GPM6A: variants seen among roughly 807,000 people sequenced by gnomAD.
GPM6A encodes the protein glycoprotein M6A, also known as neuronal membrane glycoprotein M6-a.
In GPM6A, 7 loss-of-function variants were observed where a neutral mutation model predicts 32.1. The observed-to-expected ratio is 0.22, with a 90% CI of 0.12 to 0.41. The LOEUF (loss-of-function observed/expected upper bound fraction) is 0.41, where lower values mean the gene tolerates loss of function less well. Among genes scored for constraint, GPM6A ranks in the 10% least tolerant of loss-of-function variants. The pLI is 1.00. For missense variants in GPM6A, 235 were observed against 347.2 expected, an observed-to-expected ratio of 0.68 and a Z score of 2.57; for synonymous variants, 130 against 123.4, an observed-to-expected ratio of 1.05 and a Z score of -0.35.
intron 1 of GPM6A, chr4:175,872,699 G>A (rs536161936): frequency 6.6e-5 from 10 of 152,188 alleles, no homozygotes; most frequent in South Asian, 2.1e-4. Flanking sequence ...GGAACCCAAG[G>A]ATTAATATGT....
intron 1 of GPM6A, among the ~76,000 whole-genome samples, chr4:175,776,419 G>A (rs1050606552): frequency 1.3e-5 from 2 of 152,142 alleles, no homozygotes; most frequent in African/African-American, 2.4e-5. Flanking sequence ...AGGAAGGAGG[G>A]ACAGAAGCTC....
intron 1 of GPM6A, among the ~76,000 whole-genome samples, chr4:175,726,246 T>G (rs1031362170): frequency 3.3e-5 from 5 of 151,758 alleles, no homozygotes; most frequent in African/African-American, 4.8e-5. Flanking sequence ...TGATCTGCCC[T>G]CCTCGGCCTC....
chr4:175,910,020 G>C (rs1738263760), intron 1 of GPM6A, among the ~76,000 whole-genome samples: 1 of 152,164 alleles, frequency 6.6e-6, no homozygotes, highest in Non-Finnish European at 1.5e-5. Flanking sequence ...TGGTGTGCTA[G>C]TAAGCTGACC....
intron 3 of GPM6A, among the ~76,000 whole-genome samples, chr4:175,658,759 T>A (rs984455745): frequency 6.6e-6 from 1 of 152,186 alleles, no homozygotes; most frequent in Admixed American, 6.5e-5. Flanking sequence ...AATCTATTTA[T>A]ATAACAAAAA....
intron 1 of GPM6A, among the ~76,000 whole-genome samples, chr4:175,907,740 A>G (rs547064030): frequency 4.2e-4 from 64 of 152,280 alleles, no homozygotes; most frequent in African/African-American, 1.3e-3. Flanking sequence ...GTTTATTACT[A>G]TTAGATCACA....
intron 2 of GPM6A, among the ~76,000 whole-genome samples, chr4:175,687,407 T>C (rs1415789853): frequency 6.6e-6 from 1 of 152,014 alleles, no homozygotes; most frequent in African/African-American, 2.4e-5. Flanking sequence ...ATAGTTCATA[T>C]AAATAAAATT....
chr4:175,980,453 C>G (rs1296404254), intron 1 of GPM6A, among the ~76,000 whole-genome samples: 1 of 152,116 alleles, frequency 6.6e-6, no homozygotes, highest in Non-Finnish European at 1.5e-5. Context: ...GATTTGAACC[C>G]TAGAAGTATG....
At chr4:175,951,656 G>A (rs1301386823) in intron 1 of GPM6A, among the ~76,000 whole-genome samples, 1 of 152,136 alleles carries the variant, frequency 6.6e-6, no homozygotes, top group Non-Finnish European at 1.5e-5. Flanking sequence ...TGAATGAATT[G>A]CAACAATTTT....
intron 1 of GPM6A, among the ~76,000 whole-genome samples, chr4:175,886,899 A>T (rs972388669): frequency 6.6e-6 from 1 of 152,044 alleles, no homozygotes; most frequent in Non-Finnish European, 1.5e-5. Flanking sequence ...AACCAAAAAA[A>T]TGAAAAAATA....
chr4:175,711,868 C>A (rs886518480), intron 1 of GPM6A, among the ~76,000 whole-genome samples: 1 of 152,186 alleles, frequency 6.6e-6, no homozygotes, highest in East Asian at 1.9e-4. Flanking sequence ...ACTCATCACC[C>A]TTATATGTGT....
chr4:175,931,259 A>G (rs545905758), intron 1 of GPM6A, among the ~76,000 whole-genome samples: 34 of 152,292 alleles, frequency 2.2e-4, no homozygotes, highest in African/African-American at 8.2e-4. Flanking sequence ...TTAAATAAAT[A>G]TTAGATAAAC....
At chr4:175,666,969 T>G (rs1365935120) in intron 3 of GPM6A, among the ~76,000 whole-genome samples, 1 of 152,210 alleles carries the variant, frequency 6.6e-6, no homozygotes, top group African/African-American at 2.4e-5. Context: ...AATTAGAAAT[T>G]CATACGTTAT....
chr4:175,635,352 C>T (rs1006054709), intron 6 of GPM6A, among the ~76,000 whole-genome samples: 1 of 152,062 alleles, frequency 6.6e-6, no homozygotes, highest in Non-Finnish European at 1.5e-5. Context: ...CCCAATGTGT[C>T]CTCATTTGCC....
chr4:175,653,291 A>G (rs759428286), intron 3 of GPM6A, among the ~76,000 whole-genome samples: 12 of 152,136 alleles, frequency 7.9e-5, no homozygotes, highest in Non-Finnish European at 1.3e-4. Flanking sequence ...GCAGGAGATC[A>G]AACCTTTTTA....
upstream of GPM6A, chr4:176,002,391 C>T (rs1234346776): frequency 1.9e-6 from 3 of 1,548,096 alleles, no homozygotes; most frequent in South Asian, 3.6e-5. Flanking sequence ...TTCTCCAAGC[C>T]GCGCTGAGGC....
At chr4:175,990,128 C>T (rs1289205823) in intron 1 of GPM6A, among the ~76,000 whole-genome samples, 1 of 152,206 alleles carries the variant, frequency 6.6e-6, no homozygotes, top group African/African-American at 2.4e-5. Flanking sequence ...CTTGATGACT[C>T]CTTCCTCTCT....
chr4:175,972,383 G>A (rs546307916), intron 1 of GPM6A, among the ~76,000 whole-genome samples: 1 of 152,246 alleles, frequency 6.6e-6, no homozygotes, highest in East Asian at 1.9e-4. Context: ...TATTTCTAAA[G>A]AGACTTATAG....
intron 1 of GPM6A, among the ~76,000 whole-genome samples, chr4:175,931,896 G>A (rs1195730931): frequency 2.0e-5 from 3 of 151,786 alleles, no homozygotes; most frequent in Non-Finnish European, 2.9e-5. Context: ...ACCAGTCTGG[G>A]CAACATAACA....
intron 2 of GPM6A, among the ~76,000 whole-genome samples, chr4:175,676,072 C>G (rs745316728): frequency 2.0e-4 from 31 of 152,074 alleles, no homozygotes; most frequent in Non-Finnish European, 3.5e-4. Flanking sequence ...TGATGGTTTT[C>G]TAAGATGCTT....
Sources: gnomAD v4.1 joint callset for allele counts (sites outside exome capture counted in the v4.1 genomes callset) on GRCh38, gnomAD v4.1.1 for gene constraint, MANE v1.5 for transcripts, NCBI Gene and HGNC (gene_info 2026-07-23, HGNC 2026-07-21) for gene names.